The following PRSS3 variants were observed in gnomAD, a reference collection of about 807,000 sequenced individuals.
PRSS3 encodes trypsin-3.
In PRSS3, 14 loss-of-function variants were observed where a neutral mutation model predicts 20.8. The observed-to-expected ratio is 0.67, with a 90% confidence interval of 0.44 to 1.05. PRSS3 has a LOEUF of 1.05. Among genes scored for constraint, PRSS3 ranks in the 50% least tolerant of loss-of-function variants. The pLI, the probability that PRSS3 is intolerant of heterozygous loss-of-function variation, is 0.00. For synonymous variants in PRSS3, 91 were observed against 117.6 expected, an observed-to-expected ratio of 0.77 and a Z score of 1.46; for missense variants, 237 against 306.4, an observed-to-expected ratio of 0.77 and a Z score of 1.69.
Position 33,779,934 on chromosome 9 carries a change from C to T in PRSS3, c.-52-14812C>T, listed in dbSNP as rs1211961934. Among the ~76,000 whole-genome samples, 3 of 129,884 alleles carry T rather than the reference C, an allele frequency of 2.3e-5. No individual in the cohort carries two copies. In the Admixed American group the frequency reaches 2.3e-4, roughly 10 times the overall value. 85.2% of individuals were successfully genotyped at this position (129,884 alleles called of 152,430 possible). ...ATAGGATTATGTAAAGATATAAAAT[C>T]TATGACTCATTGGCATTCCTGAAAT... On this transcript the variant is annotated intron_variant, in intron 1 of 5. Coordinates refer to the PRSS3 transcript ENST00000342836.
In PRSS3 at chr9:33,785,160, A is replaced by ATTTTTTTTTTTTT. The variant is rs74180504; in HGVS notation, c.-52-9563_-52-9551dup. On this transcript the variant is annotated intron_variant, in intron 1 of 5. Coordinates refer to the PRSS3 transcript ENST00000342836. Reference sequence around the variant, plus strand: ...GAAAAAGATCATAGCATTGTGGTCAATTTTTTTTTTTTTTTTTTTTTTTTT... The same window carrying ATTTTTTTTTTTTT: ...GAAAAAGATCATAGCATTGTGGTCAATTTTTTTTTTTTTTTTTTTTTTTTTTTTTTTTTTTTTT... Among the ~76,000 whole-genome samples, 162 of 72,468 alleles carry ATTTTTTTTTTTTT rather than the reference A, an allele frequency of 2.2e-3. 19 individuals carry two copies. Among genetic ancestry groups the ATTTTTTTTTTTTT allele is most frequent in the African/African-American group, 4.1e-3 (54 of 13,310 alleles). 47.5% of individuals were successfully genotyped at this position (72,468 alleles called of 152,430 possible).
chr9:33,750,977 C>T lies in PRSS3; in HGVS notation c.-53+250C>T. ...GCAGAAGCCCACCTGGGGCCCCCTCCGGGCTGCGGCACCGATGCGCACACT... is the reference window on the plus strand; with the variant it reads ...GCAGAAGCCCACCTGGGGCCCCCTCTGGGCTGCGGCACCGATGCGCACACT... On this transcript the variant is annotated intron_variant, in intron 1 of 5. Transcript: ENST00000342836. The surrounding 1 kb of genome is among the most constrained non-coding windows in gnomAD (Gnocchi z 4.8). 1.2e-6 allele frequency: 1 copy of T among 868,424 alleles called. No homozygotes were observed. The highest frequency in any genetic ancestry group is 1.6e-6 in the Non-Finnish European group (1 of 638,572). 53.8% of individuals were successfully genotyped at this position (868,424 alleles called of 1,614,324 possible). A position where few individuals can be genotyped will look rare whatever the true frequency, so the allele number is the denominator to read the frequency against.
intron 1 of PRSS3, among the ~76,000 whole-genome samples, chr9:33,783,715 T>G (rs1367830772): frequency 6.6e-6 from 1 of 152,030 alleles, no homozygotes; most frequent in Non-Finnish European, 1.5e-5. Flanking sequence ...TGTGTGTTTC[T>G]GTGTAAAAGA....
rs1824418699 is a variant in PRSS3, at chr9:33,786,516, C to G, written c.-52-8230C>G. 7.9e-6 allele frequency: 6 copies of G among 759,362 alleles called. No individual in the cohort carries two copies. The African/African-American group carries it at 8.5e-5, about 11-fold the overall frequency. 47.0% of individuals were successfully genotyped at this position (759,362 alleles called of 1,614,324 possible). On this transcript the variant is annotated intron_variant, in intron 1 of 5. Coordinates refer to the PRSS3 transcript ENST00000342836. Reference sequence around the variant, plus strand: ...AGCTTGTCGGCCCTCATGAATATCTCTCTGGAACTAGGCTCTGTGTTCAGT... The same window carrying G: ...AGCTTGTCGGCCCTCATGAATATCTGTCTGGAACTAGGCTCTGTGTTCAGT...
intron 1 of PRSS3, among the ~76,000 whole-genome samples, chr9:33,785,143 T>C (rs1171027383): frequency 1.4e-5 from 2 of 146,286 alleles, no homozygotes; most frequent in Non-Finnish European, 1.5e-5. Flanking sequence ...TGGAAAAAGA[T>C]CATAGCATTG....
chr9:33,770,100 G>C (rs1415135370), intron 1 of PRSS3, among the ~76,000 whole-genome samples: 3 of 151,598 alleles, frequency 2.0e-5, no homozygotes, highest in Non-Finnish European at 4.4e-5. Context: ...AGCCAAGATC[G>C]TGCCACTGCA....
intron 1 of PRSS3, among the ~76,000 whole-genome samples, chr9:33,754,424 A>G (rs1381970543): frequency 6.6e-6 from 1 of 152,130 alleles, no homozygotes; most frequent in Non-Finnish European, 1.5e-5. Context: ...AGCCCACCCC[A>G]AAAGACTTCT....
intron 1 of PRSS3, among the ~76,000 whole-genome samples, chr9:33,771,820 T>C (rs1218990436): frequency 1.3e-5 from 2 of 151,046 alleles, no homozygotes; most frequent in Non-Finnish European, 3.0e-5. Flanking sequence ...TTTGTTTTTT[T>C]GGTAGAAATG....
chr9:33,761,856 G>A (rs1368662886), intron 1 of PRSS3, among the ~76,000 whole-genome samples: 5 of 152,102 alleles, frequency 3.3e-5, no homozygotes, highest in Non-Finnish European at 7.4e-5. Flanking sequence ...TCCAGCCTGG[G>A]TGACAGAGTG....
At chr9:33,786,416 G>A in intron 1 of PRSS3, 1 of 675,056 alleles carries the variant, frequency 1.5e-6, no homozygotes, top group South Asian at 1.7e-5. Context: ...ATAAAAAGGA[G>A]GCAGTGCCCT....
upstream of PRSS3, among the ~76,000 whole-genome samples, chr9:33,792,858 T>C (rs1320566446): frequency 6.6e-6 from 1 of 152,062 alleles, no homozygotes; most frequent in Admixed American, 6.6e-5. Context: ...TGGTTTGATG[T>C]GCTAAGCACT....
At chr9:33,797,528 A>G (rs1347483984) in intron 2 of PRSS3, among the ~76,000 whole-genome samples, 1 of 151,842 alleles carries the variant, frequency 6.6e-6, no homozygotes, top group African/African-American at 2.4e-5. Flanking sequence ...TTGTGCCCAC[A>G]GTGCTAGTGA....
At chr9:33,797,468 G>A (rs1825030464) in intron 2 of PRSS3, among the ~76,000 whole-genome samples, 1 of 152,282 alleles carries the variant, frequency 6.6e-6, no homozygotes, top group South Asian at 2.1e-4. Flanking sequence ...GCTGTGCGCA[G>A]TTAGCAAAGA....
chr9:33,794,987 C>G, upstream of PRSS3: 1 of 1,403,516 alleles, frequency 7.1e-7, no homozygotes, highest in South Asian at 1.5e-5. Context: ...AATGCTAAGT[C>G]TCCCTTCTCC....
At position 33,772,161 on chromosome 9, in the gene PRSS3, C is replaced by A. The variant is rs571642543; in HGVS notation, c.-53+21434C>A. 3.9e-5 allele frequency among the ~76,000 whole-genome samples: 6 copies of A among 152,116 alleles called. No individual in the cohort carries two copies. In the East Asian group the frequency reaches 9.7e-4, roughly 25 times the overall value. On this transcript the variant is annotated intron_variant, in intron 1 of 5. Transcript: ENST00000342836. ...TGCTGGGATTACAGGCGTAAGCCACCGCGCGCAGCCCCCAGGCTAGTCTTA... is the reference window on the plus strand; with the variant it reads ...TGCTGGGATTACAGGCGTAAGCCACAGCGCGCAGCCCCCAGGCTAGTCTTA...
intron 1 of PRSS3, among the ~76,000 whole-genome samples, chr9:33,763,581 C>A (rs974498837): frequency 6.6e-6 from 1 of 152,024 alleles, no homozygotes; most frequent in African/African-American, 2.4e-5. Context: ...CACCTGTAAT[C>A]CCAGCTACTT....
At chr9:33,754,909 G>A (rs904730334) in intron 1 of PRSS3, among the ~76,000 whole-genome samples, 1 of 152,208 alleles carries the variant, frequency 6.6e-6, no homozygotes, top group Non-Finnish European at 1.5e-5. Context: ...TAGGCAGCTA[G>A]CAGCATCTGC....
intron 1 of PRSS3, among the ~76,000 whole-genome samples, chr9:33,795,859 G>A (rs1454991423): frequency 6.6e-6 from 1 of 152,254 alleles, no homozygotes; most frequent in Non-Finnish European, 1.5e-5. Context: ...TGGGAAGGGA[G>A]ACCAGGTGGG....
At chr9:33,762,664 A>G (rs1823255011) in intron 1 of PRSS3, among the ~76,000 whole-genome samples, 1 of 152,134 alleles carries the variant, frequency 6.6e-6, no homozygotes, top group East Asian at 1.9e-4. Context: ...CCTATAACCT[A>G]CTTCCTTACT....
Sources: allele counts gnomAD v4.1 joint callset (sites outside exome capture counted in the v4.1 genomes callset), GRCh38; gene constraint gnomAD v4.1.1; non-coding constraint Gnocchi (gnomAD v3.1); transcripts MANE v1.5; gene names NCBI Gene and HGNC (gene_info 2026-07-23, HGNC 2026-07-21).